The following MPDZ variants were observed in gnomAD, a reference collection of about 807,000 sequenced individuals.
The protein encoded by MPDZ is multiple PDZ domain protein.
Under a neutral mutation model 239.1 loss-of-function variants are expected in MPDZ, and 234 were observed. The observed-to-expected ratio is 0.98, with a 90% confidence interval of 0.88 to 1.09. The LOEUF is 1.09. MPDZ is among the 50% of genes least tolerant of loss of function. MPDZ has a pLI of 0.00. For synonymous variants in MPDZ, 1,048 were observed against 881.3 expected (o/e 1.19, Z -3.35); for missense variants, 3,175 against 2,510.0 (o/e 1.26, Z -5.66).
Position 13,168,416 on chromosome 9 carries a change from G to A in MPDZ, c.3204C>T (p.Ala1068=), listed in dbSNP as rs1268238462. 1.9e-6 allele frequency: 3 copies of A among 1,613,272 alleles called. No homozygotes were observed. The highest frequency in any genetic ancestry group is 3.3e-5 in the Admixed American group (2 of 59,952). Residue 1068 remains alanine, a synonymous_variant, in exon 22 of 47, where the codon GCC becomes GCT. Coordinates refer to ENST00000319217, the MANE Select transcript of MPDZ (RefSeq NM_001378778.1). ...GTCTTCTCAACATAGCTCGTGCCTG[G>A]GCATTGGTTACACTGATGGTAGACT... ...NEESTISVTN[A]QARAMLRRHS...
At chr9:13,240,971 T>C (rs967764490) in intron 3 of MPDZ, among the ~76,000 whole-genome samples, 1 of 152,192 alleles carries the variant, frequency 6.6e-6, no homozygotes, top group African/African-American at 2.4e-5. Flanking sequence ...TTTGCTGTTT[T>C]AGACACACAT....
intron 1 of MPDZ, among the ~76,000 whole-genome samples, chr9:13,272,431 T>C (rs990273575): frequency 6.6e-5 from 10 of 152,148 alleles, no homozygotes; most frequent in African/African-American, 2.4e-4. Flanking sequence ...GCCATTCCAA[T>C]GCTATAGTTT....
chr9:13,190,069 G>T, intron 16 of MPDZ, 45 bp downstream of exon 16: 1 of 1,518,076 alleles, frequency 6.6e-7, no homozygotes, highest in Non-Finnish European at 9.0e-7. Context: ...TTCTTTGATA[G>T]CAACAATAGG....
intron 28 of MPDZ, among the ~76,000 whole-genome samples, chr9:13,139,648 A>G (rs929199234): frequency 2.0e-5 from 3 of 152,156 alleles, no homozygotes; most frequent in African/African-American, 7.2e-5. Context: ...CCTCATTCAC[A>G]TGAGGAATCT....
Position 13,121,887 on chromosome 9 carries a change from T to C in MPDZ, c.5083A>G (p.Asn1695Asp). 1.9e-6 allele frequency: 3 copies of C among 1,613,848 alleles called. No homozygotes were observed. Among genetic ancestry groups the C allele is most frequent in the Non-Finnish European group, 1.7e-6 (2 of 1,179,846 alleles). The change falls in exon 38 of 47, where the codon AAT (asparagine) becomes GAT (aspartate). Residue 1695 changes from asparagine (N) to aspartate (D), a missense_variant. Transcript: ENST00000319217. ...LRKATHDEAINVLRQTPQRVR... is the reference protein window; with the variant it reads ...LRKATHDEAIDVLRQTPQRVR... ...CTCTGTGGCGTCTGTCTCAGGACAT[T>C]GATTGCTTCATCATGTGTGGCCTTT...
chr9:13,139,591 A>G (rs1947337494), intron 28 of MPDZ, among the ~76,000 whole-genome samples: 1 of 152,214 alleles, frequency 6.6e-6, no homozygotes, highest in Non-Finnish European at 1.5e-5. Context: ...ATTCTGGTAT[A>G]GAAAATACAC....
intron 26 of MPDZ, 28 bp from the exon 27 acceptor site, chr9:13,143,592 C>T (rs1020555718): frequency 4.5e-6 from 7 of 1,566,348 alleles, no homozygotes; most frequent in Non-Finnish European, 5.3e-6. Context: ...AGGCGCTGAA[C>T]GCAAAGGAAA....
Position 13,248,850 on chromosome 9 carries a change from G to A in MPDZ, c.17-1049C>T, listed in dbSNP as rs536160488. ...CAGATGGGTGTAGTGGCATATGCCT[G>A]TAATCTCAGCTACTCAGGAGGCTGA... On this transcript the variant is annotated intron_variant, in intron 2 of 46. Transcript: ENST00000319217. Among the ~76,000 whole-genome samples the A allele has an allele frequency of 2.6e-5, 4 of 151,118 alleles. No individual in the cohort carries two copies. The South Asian group carries it at 6.3e-4, about 24-fold the overall frequency.
At chr9:13,272,173 T>C (rs1973134939) in intron 1 of MPDZ, among the ~76,000 whole-genome samples, 1 of 152,112 alleles carries the variant, frequency 6.6e-6, no homozygotes, top group South Asian at 2.1e-4. Flanking sequence ...TAAACAATTA[T>C]AACTTATACC....
intron 19 of MPDZ, among the ~76,000 whole-genome samples, chr9:13,177,211 G>A (rs532666897): frequency 6.6e-6 from 1 of 152,134 alleles, no homozygotes; most frequent in African/African-American, 2.4e-5. Flanking sequence ...AACTGCTGTT[G>A]AATAAACATA....
intron 43 of MPDZ, among the ~76,000 whole-genome samples, chr9:13,111,220 G>A (rs1356059441): frequency 1.3e-5 from 2 of 152,176 alleles, no homozygotes; most frequent in Non-Finnish European, 2.9e-5. Flanking sequence ...CTTTCACAGC[G>A]CAGAGTTGAG....
At position 13,182,038 on chromosome 9, in the gene MPDZ, A is replaced by G. The variant is rs530334079; in HGVS notation, c.2649+1380T>C. Among the ~76,000 whole-genome samples the G allele has an allele frequency of 1.9e-3, 286 of 152,236 alleles. 3 individuals carry two copies. The highest frequency in any genetic ancestry group is 6.4e-3 in the African/African-American group (266 of 41,546). ...AGACTGCCCAGCATCATTTGCAAGGATAACAGGTGCACCTTGAACATAAAA... is the reference window on the plus strand; with the variant it reads ...AGACTGCCCAGCATCATTTGCAAGGGTAACAGGTGCACCTTGAACATAAAA... On this transcript the variant is annotated intron_variant, in intron 19 of 46. Transcript: ENST00000319217.
In MPDZ at chr9:13,202,912, T is replaced by C. The variant is rs1485675334; in HGVS notation, c.1546+2124A>G. ...TTGTCTTTGATAGTTTCCAGTTGTA[T>C]GTATATAGGAAGAAGGATGTGGGAG... is the stretch of plus-strand genomic sequence containing the variant. On this transcript the variant is annotated intron_variant, in intron 12 of 46. Coordinates refer to ENST00000319217, the MANE Select transcript of MPDZ (RefSeq NM_001378778.1). Among the ~76,000 whole-genome samples, 5 of 152,190 alleles carry C rather than the reference T, an allele frequency of 3.3e-5. No individual in the cohort carries two copies. In the East Asian group the frequency reaches 5.8e-4, roughly 18 times the overall value.
intron 23 of MPDZ, among the ~76,000 whole-genome samples, chr9:13,161,329 G>A (rs911636514): frequency 6.6e-6 from 1 of 152,010 alleles, no homozygotes; most frequent in African/African-American, 2.4e-5. Context: ...CAGCACTTTG[G>A]GAGGCCGAGG....
rs78327677 is a variant in MPDZ at position 13,166,473 on chromosome 9, G to C, written c.3254+1893C>G. On this transcript the variant is annotated intron_variant, in intron 22 of 46. Transcript: ENST00000319217. ...CATTACTCAATGAGTTAAGCTATAA[G>C]CATTTGAATCAGAGTATCTTTAAGG... is the stretch of plus-strand genomic sequence containing the variant. Among the ~76,000 whole-genome samples the C allele has an allele frequency of 6.9e-3, 1,048 of 152,098 alleles. 14 individuals carry two copies. The highest frequency in any genetic ancestry group is 0.024 in the African/African-American group (1,003 of 41,502).
At chr9:13,247,111 A>T (rs1588092401) in intron 3 of MPDZ, among the ~76,000 whole-genome samples, 2 of 152,320 alleles carry the variant, frequency 1.3e-5, no homozygotes, top group Non-Finnish European at 2.9e-5. Context: ...CATGGAAGCA[A>T]TTGCTACTTA....
chr9:13,128,320 A>T (rs1317282537), intron 32 of MPDZ, among the ~76,000 whole-genome samples: 3 of 152,238 alleles, frequency 2.0e-5, no homozygotes, highest in Non-Finnish European at 4.4e-5. Flanking sequence ...TCTCTTGGAT[A>T]ACTTGCTCTG....
intron 3 of MPDZ, among the ~76,000 whole-genome samples, chr9:13,240,298 C>T (rs1280436934): frequency 6.6e-6 from 1 of 151,850 alleles, no homozygotes; most frequent in African/African-American, 2.4e-5. Context: ...TCTCTCCATT[C>T]CACTATTATC....
rs1388481689 is a variant in MPDZ at position 13,136,187 on chromosome 9, A to C, written c.4293-5T>G. The C allele has an allele frequency of 6.9e-6, 11 of 1,602,160 alleles. No homozygotes were observed. In the Admixed American group the frequency reaches 8.4e-5, roughly 12 times the overall value. On this transcript the variant is annotated splice_region_variant and splice_polypyrimidine_tract_variant and intron_variant, in intron 30 of 46. Coordinates refer to ENST00000319217, the MANE Select transcript of MPDZ (RefSeq NM_001378778.1). ...TGATTCACTGCATCTTTATTTCTAA[A>C]AGCAAAAAAACAACAACCTATTATA...
Sources: allele counts gnomAD v4.1 joint callset (sites outside exome capture counted in the v4.1 genomes callset), GRCh38; gene constraint gnomAD v4.1.1; transcripts MANE v1.5; gene names NCBI Gene and HGNC (gene_info 2026-07-23, HGNC 2026-07-21).